MRPL52: variants seen among roughly 807,000 people sequenced by gnomAD.
The protein encoded by MRPL52 is mitochondrial ribosomal protein L52.
A neutral mutation model predicts 22.1 loss-of-function variants in MRPL52; 19 were observed. The observed-to-expected ratio is 0.86, with a 90% confidence interval of 0.60 to 1.26. The LOEUF (loss-of-function observed/expected upper bound fraction) is 1.26. Among genes scored for constraint, MRPL52 ranks in the 50% most tolerant of loss-of-function variants. The pLI is 0.00. For missense variants in MRPL52, 152 were observed against 148.1 expected (o/e 1.03, Z -0.14); for synonymous variants, 50 against 57.5 (o/e 0.87, Z 0.59).
At chr14:22,833,539 T>G (rs1411409717) in intron 4 of MRPL52, 57 bp downstream of exon 4, 1 of 1,349,498 alleles carries the variant, frequency 7.4e-7, no homozygotes. Context: ...TAAATCATAA[T>G]TTGTCTTGAG....
intron 2 of MRPL52, 28 bp downstream of exon 2, chr14:22,830,138 G>C (rs1451750947): frequency 6.2e-7 from 1 of 1,614,224 alleles, no homozygotes; most frequent in East Asian, 2.2e-5. Flanking sequence ...GGCACCTGGG[G>C]GACCAGAAGC....
At chr14:22,830,391 G>A in intron 3 of MRPL52, 137 bp downstream of exon 3, 1 of 819,150 alleles carries the variant, frequency 1.2e-6, no homozygotes, top group Middle Eastern at 2.6e-4. Flanking sequence ...GGAATTTGGG[G>A]AAAGAAACCC....
In MRPL52 at chr14:22,834,170, A is replaced by G. The variant is rs571344432; in HGVS notation, c.220-2A>G. On this transcript the variant is annotated splice_acceptor_variant, in intron 4 of 4. Transcript: ENST00000397496. LOFTEE classifies it high-confidence loss of function. ...TCCACACTGTTTTCCTGTCTGTTTC[A>G]GAGACGAGTTGTACTGCTGTCACAG... The G allele has an allele frequency of 1.9e-6, 3 of 1,613,872 alleles. No individual in the cohort carries two copies. Among genetic ancestry groups the G allele is most frequent in the East Asian group, 4.5e-5 (2 of 44,872 alleles).
chr14:22,831,753 T>G (rs931696343), intron 3 of MRPL52: 1 of 152,272 alleles, frequency 6.6e-6, no homozygotes, highest in Non-Finnish European at 1.5e-5. Context: ...TTAACATGCT[T>G]ATGTGTCTAC....
intron 3 of MRPL52, chr14:22,831,057 CT>C (rs769523371): frequency 8.0e-7 from 1 of 1,254,554 alleles, no homozygotes; most frequent in South Asian, 1.3e-5. Flanking sequence ...CTGGCATCTC[CT>C]TGTAGTAGTA....
At chr14:22,830,011 C>G in intron 1 of MRPL52, 42 bp from the exon 2 acceptor site, 1 of 1,613,540 alleles carries the variant, frequency 6.2e-7, no homozygotes, top group Non-Finnish European at 8.5e-7. Flanking sequence ...CCTGATCCGG[C>G]TGCGCGGCCT....
chr14:22,831,919 A>G (rs748131700), intron 3 of MRPL52: 4 of 152,332 alleles, frequency 2.6e-5, no homozygotes, highest in Non-Finnish European at 4.4e-5. Context: ...AGGCAGGAGA[A>G]TCGCTTAAGC....
At position 22,830,122 on chromosome 14, in the gene MRPL52, G is replaced by A. The variant is rs200881258; in HGVS notation, c.86+12G>A. On this transcript the variant is annotated intron_variant, in intron 2 of 4. Coordinates refer to ENST00000397496, the MANE Select transcript of MRPL52 (RefSeq NM_180982.3). ...CAGTGGCGACTACAGTGAGTCCTGGGATGAGGGCACCTGGGGGACCAGAAG... is the reference window on the plus strand; with the variant it reads ...CAGTGGCGACTACAGTGAGTCCTGGAATGAGGGCACCTGGGGGACCAGAAG... The A allele has an allele frequency of 1.7e-5, 28 of 1,614,236 alleles. No individual in the cohort carries two copies. In the African/African-American group the frequency reaches 3.2e-4, roughly 18 times the overall value.
Position 22,830,895 on chromosome 14 carries a change from A to G in MRPL52, c.154+641A>G. 8.0e-6 allele frequency: 9 copies of G among 1,118,298 alleles called. No homozygotes were observed. In the South Asian group the frequency reaches 9.8e-5, roughly 12 times the overall value. The allele number at this position is 1,118,298 out of a possible 1,614,324, so 69.3% of individuals were successfully genotyped here. A position where few individuals can be genotyped will look rare whatever the true frequency, so the allele number is the denominator to read the frequency against. On this transcript the variant is annotated intron_variant, in intron 3 of 4. Transcript: ENST00000397496. ...GCTAGGTAGTAGCAAATCCAGGACTAGAACATAGGCCAGTCCTCCTTGACA... is the reference window on the plus strand; with the variant it reads ...GCTAGGTAGTAGCAAATCCAGGACTGGAACATAGGCCAGTCCTCCTTGACA...
chr14:22,833,314 A>G, intron 3 of MRPL52, 104 bp from the exon 4 acceptor site: 1 of 740,818 alleles, frequency 1.3e-6, no homozygotes, highest in South Asian at 1.5e-5. Context: ...GAAATGGAAG[A>G]GAGGAGCTAG....
chr14:22,830,137 G>C (rs1566473824), intron 2 of MRPL52, 27 bp downstream of exon 2: 1 of 1,614,070 alleles, frequency 6.2e-7, no homozygotes, highest in Non-Finnish European at 8.5e-7. Flanking sequence ...GGGCACCTGG[G>C]GGACCAGAAG....
intron 3 of MRPL52, chr14:22,831,460 G>T: frequency 6.5e-6 from 1 of 154,364 alleles, no homozygotes; most frequent in Non-Finnish European, 1.4e-5. Flanking sequence ...CTAAGTTTGT[G>T]GTCTTGGACA....
At chr14:22,831,285 T>G (rs2138709058) in intron 3 of MRPL52, 1 of 401,998 alleles carries the variant, frequency 2.5e-6, no homozygotes, top group East Asian at 4.6e-5. Flanking sequence ...GCTAATTTTT[T>G]TTTTTAACTT....
Position 22,829,957 on chromosome 14 carries a change from A to G in MRPL52, c.28+17A>G, listed in dbSNP as rs2039562288. The G allele has an allele frequency of 1.2e-6, 2 of 1,609,976 alleles. No individual in the cohort carries two copies. Among genetic ancestry groups the G allele is most frequent in the South Asian group, 1.1e-5 (1 of 90,642 alleles). ...TTCTCTTCAGTGAGTGGGTATAGAT[A>G]GGGACCGTGGACTCGGGGGCCCTTT... On this transcript the variant is annotated intron_variant, in intron 1 of 4. Coordinates refer to ENST00000397496, the MANE Select transcript of MRPL52 (RefSeq NM_180982.3).
intron 3 of MRPL52, among the ~76,000 whole-genome samples, chr14:22,833,058 G>A (rs1052763526): frequency 2.7e-5 from 4 of 150,606 alleles, no homozygotes; most frequent in Non-Finnish European, 5.9e-5. Context: ...CGTGTTTGTA[G>A]TCCCAGCTAC....
chr14:22,830,966 G>A, intron 3 of MRPL52: 2 of 1,530,044 alleles, frequency 1.3e-6, no homozygotes, highest in South Asian at 1.2e-5. Context: ...CTCTCTAGGG[G>A]TATGATCCTG....
chr14:22,834,179 T>G lies in MRPL52; in HGVS notation c.227T>G (p.Val76Gly). Residue 76 changes from valine (V) to glycine (G), a missense_variant, in exon 5 of 5, where the codon GTT becomes GGT. Transcript: ENST00000397496. Reference sequence around the variant, plus strand: ...TTTTCCTGTCTGTTTCAGAGACGAGTTGTACTGCTGTCACAGGAAATGGAC... The same window carrying G: ...TTTTCCTGTCTGTTTCAGAGACGAGGTGTACTGCTGTCACAGGAAATGGAC... ...KAERETFARR[V>G]VLLSQEMDAG... The G allele has an allele frequency of 6.2e-7, 1 of 1,613,952 alleles. No individual in the cohort carries two copies. Among genetic ancestry groups the G allele is most frequent in the Non-Finnish European group, 8.5e-7 (1 of 1,179,962 alleles).
chr14:22,832,879 C>CAAAATAA (rs1344366812), intron 3 of MRPL52, among the ~76,000 whole-genome samples: 1 of 150,768 alleles, frequency 6.6e-6, no homozygotes, highest in African/African-American at 2.4e-5. Flanking sequence ...AAGTCTGTCT[C>CAAAATAA]AAAATAAAAA....
chr14:22,833,004 C>G (rs1015197745), intron 3 of MRPL52, among the ~76,000 whole-genome samples: 1 of 151,850 alleles, frequency 6.6e-6, no homozygotes, highest in Non-Finnish European at 1.5e-5. Context: ...TTGGTGAAAT[C>G]CCGTCTCTAC....
Sources: gnomAD v4.1 joint callset for allele counts (sites outside exome capture counted in the v4.1 genomes callset) on GRCh38, gnomAD v4.1.1 for gene constraint, MANE v1.5 for transcripts, NCBI Gene and HGNC (gene_info 2026-07-23, HGNC 2026-07-21) for gene names.